Variants in RABEP2 observed in about 807,000 individuals in gnomAD.
RABEP2 encodes rabaptin, RAB GTPase binding effector protein 2, also known as rab GTPase-binding effector protein 2.
RABEP2 carries 57 observed loss-of-function variants against 74.1 expected under a neutral mutation model. That is an observed-to-expected ratio of 0.77 (90% CI 0.62 to 0.96). The LOEUF is 0.96. Among genes scored for constraint, RABEP2 ranks in the 40% least tolerant of loss-of-function variants. RABEP2 has a pLI of 0.00. For synonymous variants in RABEP2, 351 were observed against 344.0 expected (o/e 1.02, Z -0.23); for missense variants, 692 against 756.3 (o/e 0.91, Z 1.00).
intron 5 of RABEP2, among the ~76,000 whole-genome samples, chr16:28,912,048 C>T (rs990916482): frequency 2.0e-5 from 3 of 152,014 alleles, no homozygotes; most frequent in South Asian, 4.1e-4. Context: ...AGATCGAGAC[C>T]ATCCTGGCTA....
intron 7 of RABEP2, chr16:28,910,184 C>T (rs941747292): frequency 2.0e-5 from 3 of 152,018 alleles, no homozygotes; most frequent in Non-Finnish European, 4.4e-5. Context: ...GCAGGGGCCT[C>T]TGGTTCCAGG....
intron 5 of RABEP2, among the ~76,000 whole-genome samples, chr16:28,912,400 TTCTTTC>T (rs1306015265): frequency 3.1e-5 from 4 of 129,474 alleles, no homozygotes; most frequent in African/African-American, 1.1e-4. Flanking sequence ...TAAGCTTTCT[TTCTTTC>T]TTTTTTTTTT....
chr16:28,919,447 G>A (rs1428566882), intron 3 of RABEP2, among the ~76,000 whole-genome samples: 1 of 152,256 alleles, frequency 6.6e-6, no homozygotes, highest in African/African-American at 2.4e-5. Context: ...ACTGCACCAA[G>A]CCAAGAGCTA....
chr16:28,924,653 T>C, intron 1 of RABEP2, 38 bp from the exon 2 acceptor site: 3 of 1,573,240 alleles, frequency 1.9e-6, no homozygotes, highest in East Asian at 4.5e-5. Context: ...TCCCATCTCT[T>C]ACCCCAGGCC....
chr16:28,917,544 C>T (rs142105746), intron 3 of RABEP2, among the ~76,000 whole-genome samples: 4 of 152,292 alleles, frequency 2.6e-5, no homozygotes, highest in South Asian at 2.1e-4. Context: ...CTCAGTCTTC[C>T]GAGTAGCTGG....
rs1300417771 is a variant in RABEP2, at chr16:28,914,559, G to A, written c.571C>T (p.His191Tyr). The A allele has an allele frequency of 1.2e-6, 2 of 1,610,950 alleles. No homozygotes were observed. Among genetic ancestry groups the A allele is most frequent in the Admixed American group, 1.7e-5 (1 of 59,810 alleles). Residue 191 changes from histidine to tyrosine, a missense_variant, in exon 5 of 13, where the codon CAC becomes TAC. Transcript: ENST00000358201. The stretch of plus-strand genomic sequence containing the variant: ...AGGGGCAGCAACTCCGTGGAGCCGT[G>A]CAGGGAAGGGGCATGCCGGGGACGT... ...QRRPRHAPSLHGSTELLPLSR... is the reference protein window; with the variant it reads ...QRRPRHAPSLYGSTELLPLSR...
intron 3 of RABEP2, 71 bp downstream of exon 3, chr16:28,919,715 G>A (rs947287847): frequency 1.3e-6 from 2 of 1,505,344 alleles, no homozygotes; most frequent in African/African-American, 2.8e-5. Context: ...CATGACCAGG[G>A]AATGGGACAT....
chr16:28,910,364 A>T (rs1311965682), intron 7 of RABEP2: 1 of 149,286 alleles, frequency 6.7e-6, no homozygotes, highest in Non-Finnish European at 1.5e-5. Flanking sequence ...GGCTCACTAC[A>T]ACCTCTGTCC....
At chr16:28,905,595 G>A in intron 11 of RABEP2, 82 bp from the exon 12 acceptor site, 1 of 1,559,340 alleles carries the variant, frequency 6.4e-7, no homozygotes. Context: ...CGTTGCCCCA[G>A]GGCTTCCTCC....
Position 28,914,308 on chromosome 16 carries a change from G to C in RABEP2, c.822C>G (p.Pro274=). The C allele has an allele frequency of 6.2e-7, 1 of 1,613,038 alleles. No homozygotes were observed. Among genetic ancestry groups the C allele is most frequent in the Non-Finnish European group, 8.5e-7 (1 of 1,179,972 alleles). ...CAGGAGGGGGCAGGTAGATGCCCTC[G>C]GGAACCAGGGTGCCCGTAGACACCA... ...ASLVSTGTLV[P]EGIYLPPPGY... Residue 274 remains proline (P), a synonymous_variant, in exon 5 of 13, where the codon CCC becomes CCG. Transcript: ENST00000358201.
chr16:28,904,473 C>CCT lies in RABEP2; in HGVS notation c.*468_*469dup. ...TAAACGACGGAAAAGTCTGGCCTTGCCTCTGTGCAAGCTTGGAGGCCTGGG... is the reference window on the plus strand; with the variant it reads ...TAAACGACGGAAAAGTCTGGCCTTGCCTCTCTGTGCAAGCTTGGAGGCCTGGG... On this transcript the variant is annotated 3_prime_UTR_variant, in exon 13 of 13. Transcript: ENST00000358201. 1 of 1,510,290 alleles carries CCT rather than the reference C, an allele frequency of 6.6e-7. No homozygotes were observed. The highest frequency in any genetic ancestry group is 1.4e-5 in the African/African-American group (1 of 72,620). 93.6% of individuals were successfully genotyped at this position (1,510,290 alleles called of 1,614,324 possible).
chr16:28,905,631 G>A (rs549199516), intron 11 of RABEP2, 73 bp downstream of exon 11: 4 of 1,560,620 alleles, frequency 2.6e-6, no homozygotes, highest in Non-Finnish European at 2.6e-6. Flanking sequence ...GACACAGAGG[G>A]CGGGAGGGGT....
intron 5 of RABEP2, 108 bp downstream of exon 5, chr16:28,914,128 C>T (rs1964351614): frequency 1.1e-6 from 1 of 929,536 alleles, no homozygotes; most frequent in Non-Finnish European, 1.6e-6. Context: ...CTCTCTTCTC[C>T]CTGTGGAAGC....
chr16:28,906,139 G>T lies in RABEP2; in HGVS notation c.1303C>A (p.Gln435Lys), dbSNP rs748264295. The change falls in exon 9 of 13, where the codon CAG becomes AAG. Residue 435 changes from glutamine to lysine, a missense_variant. Coordinates refer to ENST00000358201, the MANE Select transcript of RABEP2 (RefSeq NM_024816.3). ...RQEARARLQAQEHGAERLRIE... is the reference protein window; with the variant it reads ...RQEARARLQAKEHGAERLRIE... ...CGCAGGCGCTCGGCCCCGTGCTCCT[G>T]GGCCTGCAGCCGGGCCCTCGCCTCT... 5.1e-6 allele frequency: 8 copies of T among 1,583,334 alleles called. No individual in the cohort carries two copies. Among genetic ancestry groups the T allele is most frequent in the Non-Finnish European group, 6.0e-6 (7 of 1,168,976 alleles).
Position 28,911,142 on chromosome 16 carries a change from C to A in RABEP2, c.932G>T (p.Arg311Leu), listed in dbSNP as rs1413246301. The change falls in exon 6 of 13, where the codon CGC becomes CTC. Residue 311 changes from arginine (R) to leucine (L), a missense_variant. Physicochemically the swap from Arg to Leu is moderately radical, Grantham distance 102 (BLOSUM62 -2). Coordinates refer to ENST00000358201, the MANE Select transcript of RABEP2 (RefSeq NM_024816.3). ...GCCCTCTTGGAGCTCGTCCCGCTCG[C>A]GACTGACGCTCTCCAGGTCCTTCTG... Reference protein sequence around the residue: ...QLQKDLESVSRERDELQEGLR... With the variant: ...QLQKDLESVSLERDELQEGLR... 2 of 1,612,312 alleles carry A rather than the reference C, an allele frequency of 1.2e-6. No homozygotes were observed. The highest frequency in any genetic ancestry group is 1.7e-6 in the Non-Finnish European group (2 of 1,180,018).
chr16:28,924,792 C>T, intron 1 of RABEP2, 177 bp from the exon 2 acceptor site: 1 of 617,338 alleles, frequency 1.6e-6, no homozygotes, highest in Admixed American at 2.2e-5. Flanking sequence ...CTGCCGGGTG[C>T]TGCCTACACT....
At chr16:28,919,620 A>T in intron 3 of RABEP2, 166 bp downstream of exon 3, 2 of 704,390 alleles carry the variant, frequency 2.8e-6, no homozygotes, top group Non-Finnish European at 4.4e-6. Context: ...GCAAGCCAGG[A>T]CCCTACGGAG....
chr16:28,923,090 G>A (rs530084329), intron 2 of RABEP2, among the ~76,000 whole-genome samples: 11 of 152,192 alleles, frequency 7.2e-5, no homozygotes, highest in Admixed American at 5.9e-4. Context: ...TTAGCTCAGT[G>A]CCTGGCACAT....
At chr16:28,912,138 C>A (rs1040144794) in intron 5 of RABEP2, among the ~76,000 whole-genome samples, 15 of 146,174 alleles carry the variant, frequency 1.0e-4, no homozygotes, top group African/African-American at 3.8e-4. Flanking sequence ...CCCAGCTACT[C>A]GGAAGGCTGA....
Sources: allele counts gnomAD v4.1 joint callset (sites outside exome capture counted in the v4.1 genomes callset), GRCh38; gene constraint gnomAD v4.1.1; transcripts MANE v1.5; gene names NCBI Gene and HGNC (gene_info 2026-07-23, HGNC 2026-07-21).